Variants in MLLT10 observed in about 807,000 individuals in gnomAD.
MLLT10 encodes protein AF-10.
A neutral mutation model predicts 129.1 loss-of-function variants in MLLT10; 30 were observed. The observed-to-expected ratio is 0.23, with a 90% CI of 0.17 to 0.32. The LOEUF is 0.32. Among genes scored for constraint, MLLT10 ranks in the 10% least tolerant of loss-of-function variants. The pLI is 1.00. For missense variants in MLLT10, 1,119 were observed against 1,268.3 expected (o/e 0.88, Z 1.79); for synonymous variants, 490 against 446.4 (o/e 1.10, Z -1.23).
In MLLT10 at chr10:21,672,636, G is replaced by C. The variant is rs1345405414; in HGVS notation, c.1052-714G>C. Among the ~76,000 whole-genome samples the C allele has an allele frequency of 2.6e-5, 4 of 152,128 alleles. No individual in the cohort carries two copies. In the East Asian group the frequency reaches 7.7e-4, roughly 29 times the overall value. ...TCTTATATCTTAGAATGGTATGGTG[G>C]GGTACTCATGTTCTTTAAAGAAAGA... is the stretch of plus-strand genomic sequence containing the variant. On this transcript the variant is annotated intron_variant, in intron 10 of 22. Coordinates refer to ENST00000307729, the MANE Select transcript of MLLT10 (RefSeq NM_001195626.3).
intron 21 of MLLT10, chr10:21,738,613 A>C: frequency 8.5e-7 from 1 of 1,172,466 alleles, no homozygotes; most frequent in Non-Finnish European, 1.1e-6. Context: ...CTCTTGCTTG[A>C]CTCTGCTTCC....
intron 3 of MLLT10, among the ~76,000 whole-genome samples, chr10:21,572,641 G>A (rs2040332347): frequency 6.7e-6 from 1 of 149,878 alleles, no homozygotes; most frequent in Non-Finnish European, 1.5e-5. Flanking sequence ...GTTTTTTTGA[G>A]ACAGAGTCTT....
chr10:21,711,120 C>T (rs944904775), intron 13 of MLLT10, among the ~76,000 whole-genome samples: 3 of 152,114 alleles, frequency 2.0e-5, no homozygotes, highest in African/African-American at 7.2e-5. Context: ...TACTGCAGCC[C>T]CTTTAGAAAT....
intron 8 of MLLT10, among the ~76,000 whole-genome samples, chr10:21,642,669 AAAAG>A (rs1220378105): frequency 6.6e-6 from 1 of 152,004 alleles, no homozygotes; most frequent in Non-Finnish European, 1.5e-5. Flanking sequence ...AAAAAAAAAA[AAAAG>A]AAAAGAAAAA....
At chr10:21,702,657 C>G (rs1010580878) in intron 13 of MLLT10, among the ~76,000 whole-genome samples, 2 of 151,644 alleles carry the variant, frequency 1.3e-5, no homozygotes, top group African/African-American at 4.8e-5. Flanking sequence ...GCTGGTTATC[C>G]CTTTGTCGTT....
At chr10:21,556,648 A>G (rs954881207) in intron 3 of MLLT10, 2 of 1,608,666 alleles carry the variant, frequency 1.2e-6, no homozygotes, top group Admixed American at 3.3e-5. Flanking sequence ...TTCAGATGGT[A>G]TGCAATTCCT....
chr10:21,636,684 C>T (rs2047498494), intron 8 of MLLT10, among the ~76,000 whole-genome samples: 1 of 151,938 alleles, frequency 6.6e-6, no homozygotes, highest in Admixed American at 6.6e-5. Flanking sequence ...AAGCCATTCT[C>T]CTGCCTCAGC....
chr10:21,580,663 TACAGG>T (rs1279587441), intron 3 of MLLT10, among the ~76,000 whole-genome samples: 1 of 152,082 alleles, frequency 6.6e-6, no homozygotes, highest in Non-Finnish European at 1.5e-5. Flanking sequence ...GTGCTGGGAT[TACAGG>T]CGTGAGCCTC....
chr10:21,597,998 A>G (rs1465553402), intron 5 of MLLT10, among the ~76,000 whole-genome samples: 1 of 152,120 alleles, frequency 6.6e-6, no homozygotes, highest in African/African-American at 2.4e-5. Context: ...TGGGGGAAGT[A>G]CTTCATATAT....
chr10:21,719,537 G>A (rs914102908), intron 14 of MLLT10, among the ~76,000 whole-genome samples: 2 of 152,106 alleles, frequency 1.3e-5, no homozygotes, highest in African/African-American at 4.8e-5. Context: ...TATGCTAAGA[G>A]GTATCTCCTT....
chr10:21,659,204 G>A (rs1279617610), intron 9 of MLLT10, among the ~76,000 whole-genome samples: 1 of 151,854 alleles, frequency 6.6e-6, no homozygotes, highest in African/African-American at 2.4e-5. Context: ...ATGAAATTTA[G>A]TTTATGAATT....
intron 3 of MLLT10, among the ~76,000 whole-genome samples, chr10:21,583,344 A>G (rs1298223219): frequency 6.6e-6 from 1 of 152,110 alleles, no homozygotes; most frequent in Non-Finnish European, 1.5e-5. Flanking sequence ...ATAAGATGAC[A>G]TCTTAGGCCA....
At chr10:21,655,107 T>G (rs1363313545) in intron 9 of MLLT10, among the ~76,000 whole-genome samples, 2 of 152,106 alleles carry the variant, frequency 1.3e-5, no homozygotes, top group Non-Finnish European at 2.9e-5. Context: ...TTTAATCATA[T>G]CAGAATCTAG....
intron 3 of MLLT10, among the ~76,000 whole-genome samples, chr10:21,549,137 T>C (rs1403185825): frequency 1.3e-5 from 2 of 151,312 alleles, no homozygotes; most frequent in African/African-American, 4.9e-5. Flanking sequence ...TTTTTTTTTT[T>C]TTTTAGACTT....
At chr10:21,703,000 T>C (rs1351419113) in intron 13 of MLLT10, among the ~76,000 whole-genome samples, 2 of 151,624 alleles carry the variant, frequency 1.3e-5, no homozygotes, top group African/African-American at 4.8e-5. Flanking sequence ...TCTTTTCCTT[T>C]CTTTTTGTCG....
At chr10:21,556,578 G>A in intron 3 of MLLT10, 4 of 1,294,128 alleles carry the variant, frequency 3.1e-6, no homozygotes, top group Non-Finnish European at 4.3e-6. Context: ...AGTTTTCTAG[G>A]GCAGGTGAGA....
chr10:21,723,412 C>G (rs2057267689), intron 14 of MLLT10, among the ~76,000 whole-genome samples: 1 of 152,132 alleles, frequency 6.6e-6, no homozygotes, highest in Non-Finnish European at 1.5e-5. Flanking sequence ...TCTTTGGATT[C>G]TTATCTAAGG....
At chr10:21,607,521 T>C (rs2044184076) in intron 5 of MLLT10, among the ~76,000 whole-genome samples, 1 of 152,082 alleles carries the variant, frequency 6.6e-6, no homozygotes, top group South Asian at 2.1e-4. Context: ...GGTTTCTCCA[T>C]GTTAGTCAGG....
At chr10:21,599,042 A>G (rs1438094919) in intron 5 of MLLT10, among the ~76,000 whole-genome samples, 1 of 151,878 alleles carries the variant, frequency 6.6e-6, no homozygotes, top group African/African-American at 2.4e-5. Context: ...AGCCGGGTGT[A>G]GTAGCAGGCG....
Sources: gnomAD v4.1 joint callset for allele counts (sites outside exome capture counted in the v4.1 genomes callset) on GRCh38, gnomAD v4.1.1 for gene constraint, MANE v1.5 for transcripts, NCBI Gene and HGNC (gene_info 2026-07-23, HGNC 2026-07-21) for gene names.